Variants in PDE7B observed in about 807,000 individuals in gnomAD.
The protein encoded by PDE7B is 3',5'-cyclic-AMP phosphodiesterase 7B.
PDE7B carries 29 observed loss-of-function variants against 56.2 expected under a neutral mutation model. That is an observed-to-expected ratio of 0.52 (90% CI 0.38 to 0.70). The LOEUF is 0.70. Ranked by LOEUF, PDE7B falls within the 30% of genes least tolerant of loss-of-function variation. The pLI, the probability that PDE7B is intolerant of heterozygous loss-of-function variation, is 0.00. For synonymous variants in PDE7B, 197 were observed against 196.9 expected, an observed-to-expected ratio of 1.00 and a Z score of 0.00; for missense variants, 490 against 565.0, an observed-to-expected ratio of 0.87 and a Z score of 1.35.
chr6:136,104,093 C>T (rs760284391), intron 2 of PDE7B, among the ~76,000 whole-genome samples: 1 of 152,166 alleles, frequency 6.6e-6, no homozygotes, highest in Non-Finnish European at 1.5e-5. Context: ...CAGGTCGTGG[C>T]TCCTGGGGCA....
chr6:136,097,076 CCAA>C (rs34457178), intron 2 of PDE7B, among the ~76,000 whole-genome samples: 6,260 of 152,276 alleles, frequency 0.041, 175 homozygotes, highest in Non-Finnish European at 0.066. Flanking sequence ...TCCTCCTCCT[CCAA>C]CAAGTGATTA....
At chr6:135,891,493 A>G (rs1300255355) in intron 1 of PDE7B, among the ~76,000 whole-genome samples, 1 of 152,204 alleles carries the variant, frequency 6.6e-6, no homozygotes, top group Non-Finnish European at 1.5e-5. Context: ...CTTCAGGAGC[A>G]TTGGGAAAAT....
At chr6:135,859,913 A>G (rs2128184318) in intron 1 of PDE7B, among the ~76,000 whole-genome samples, 1 of 152,024 alleles carries the variant, frequency 6.6e-6, no homozygotes, top group Middle Eastern at 3.4e-3. Flanking sequence ...AAAGGAGAAA[A>G]GGAAAAGCAG....
intron 3 of PDE7B, among the ~76,000 whole-genome samples, chr6:136,119,251 A>G (rs1240250809): frequency 3.3e-5 from 5 of 152,362 alleles, no homozygotes; most frequent in African/African-American, 4.8e-5. Context: ...ATATCCAAAA[A>G]GAAGATCTCA....
At chr6:136,113,366 G>A (rs1777780753) in intron 3 of PDE7B, among the ~76,000 whole-genome samples, 1 of 152,174 alleles carries the variant, frequency 6.6e-6, no homozygotes, top group Non-Finnish European at 1.5e-5. Flanking sequence ...GATTCATCTA[G>A]ATCAATAGAA....
chr6:136,169,587 C>G (rs1027344022), intron 8 of PDE7B, among the ~76,000 whole-genome samples: 1 of 152,152 alleles, frequency 6.6e-6, no homozygotes, highest in African/African-American at 2.4e-5. Flanking sequence ...ATCATTAGAT[C>G]TTGTTACAGC....
chr6:135,969,221 T>A (rs1003005712), intron 2 of PDE7B, among the ~76,000 whole-genome samples: 1 of 152,050 alleles, frequency 6.6e-6, no homozygotes, highest in Admixed American at 6.6e-5. Flanking sequence ...ACCTAAATGA[T>A]GGGTTGATAG....
In PDE7B at chr6:136,194,361, G is replaced by A. The variant is rs976424918; in HGVS notation, c.*2521G>A. 4.6e-5 allele frequency: 7 copies of A among 152,130 alleles called. No homozygotes were observed. Among genetic ancestry groups the A allele is most frequent in the African/African-American group, 1.7e-4 (7 of 41,440 alleles). The allele number at this position is 152,130 out of a possible 1,614,324, so 9.4% of individuals were successfully genotyped here. A position where few individuals can be genotyped will look rare whatever the true frequency, so the allele number is the denominator to read the frequency against. On this transcript the variant is annotated 3_prime_UTR_variant, in exon 13 of 13. Coordinates refer to ENST00000308191, the MANE Select transcript of PDE7B (RefSeq NM_018945.4). ...TACATTACAATTAGGTCTTGAAGAAGAGCTCACAGAGAAAAAACTACCAAA... is the reference window on the plus strand; with the variant it reads ...TACATTACAATTAGGTCTTGAAGAAAAGCTCACAGAGAAAAAACTACCAAA...
At chr6:136,173,589 A>G (rs73555078) in intron 8 of PDE7B, among the ~76,000 whole-genome samples, 4,112 of 152,208 alleles carry the variant, frequency 0.027, 168 homozygotes, top group African/African-American at 0.093. Flanking sequence ...GGTGAGCCGC[A>G]GGCCCTGCTG....
At chr6:135,939,657 G>A (rs952518082) in intron 1 of PDE7B, among the ~76,000 whole-genome samples, 6 of 152,156 alleles carry the variant, frequency 3.9e-5, no homozygotes, top group Non-Finnish European at 8.8e-5. Flanking sequence ...CCACTGTCAC[G>A]TAGGAGACCC....
intron 1 of PDE7B, among the ~76,000 whole-genome samples, chr6:135,910,125 C>A (rs766753219): frequency 2.0e-5 from 3 of 152,152 alleles, no homozygotes; most frequent in African/African-American, 7.2e-5. Context: ...GTCTGACATG[C>A]GATATAGCTG....
In PDE7B at chr6:135,917,326, T is replaced by C. The variant is rs141752983; in HGVS notation, c.22-30138T>C. ...TTTGTTTGCATAGGTTATTTTTTTTTCCAAATTTTCCACGTCACTTATTTT... is the reference window on the plus strand; with the variant it reads ...TTTGTTTGCATAGGTTATTTTTTTTCCCAAATTTTCCACGTCACTTATTTT... On this transcript the variant is annotated intron_variant, in intron 1 of 12. Transcript: ENST00000308191. Among the ~76,000 whole-genome samples the C allele has an allele frequency of 2.0e-3, 312 of 152,290 alleles. 2 individuals carry two copies. The East Asian group carries it at 0.025, about 12-fold the overall frequency.
chr6:135,953,798 T>C (rs1455301996), intron 2 of PDE7B, among the ~76,000 whole-genome samples: 1 of 152,166 alleles, frequency 6.6e-6, no homozygotes, highest in African/African-American at 2.4e-5. Context: ...TAAAGATTAT[T>C]TTGCGTGCAC....
chr6:135,853,599 CTG>C (rs1322341049), intron 1 of PDE7B, among the ~76,000 whole-genome samples: 3 of 152,206 alleles, frequency 2.0e-5, no homozygotes, highest in Admixed American at 6.5e-5. Flanking sequence ...ACTCCAAAAA[CTG>C]TCTCTGCCTT....
At chr6:135,892,159 GTGGTATT>G (rs1227864712) in intron 1 of PDE7B, among the ~76,000 whole-genome samples, 2 of 152,130 alleles carry the variant, frequency 1.3e-5, no homozygotes, top group African/African-American at 4.8e-5. Flanking sequence ...GGGCTTTTGA[GTGGTATT>G]TGTAGAAATA....
At chr6:135,949,929 A>G (rs1333765394) in intron 2 of PDE7B, among the ~76,000 whole-genome samples, 1 of 152,168 alleles carries the variant, frequency 6.6e-6, no homozygotes, top group African/African-American at 2.4e-5. Flanking sequence ...TGAGGAGCTT[A>G]TATTTAAGAC....
chr6:136,030,966 T>C (rs1776237904), intron 2 of PDE7B, among the ~76,000 whole-genome samples: 1 of 152,264 alleles, frequency 6.6e-6, no homozygotes, highest in African/African-American at 2.4e-5. Context: ...ACCTTATCTT[T>C]AAAGTTAACC....
At chr6:135,992,202 T>C (rs1775490880) in intron 2 of PDE7B, among the ~76,000 whole-genome samples, 1 of 131,482 alleles carries the variant, frequency 7.6e-6, no homozygotes, top group Non-Finnish European at 1.6e-5. Flanking sequence ...TAATGATACC[T>C]GATGAGCTAA....
At chr6:136,067,259 A>G (rs1776957266) in intron 2 of PDE7B, among the ~76,000 whole-genome samples, 1 of 152,154 alleles carries the variant, frequency 6.6e-6, no homozygotes, top group Non-Finnish European at 1.5e-5. Flanking sequence ...TGCATGTAAA[A>G]TTTTCAGCTT....
Sources: gnomAD v4.1 joint callset for allele counts (sites outside exome capture counted in the v4.1 genomes callset) on GRCh38, gnomAD v4.1.1 for gene constraint, MANE v1.5 for transcripts, NCBI Gene and HGNC (gene_info 2026-07-23, HGNC 2026-07-21) for gene names.